Variants in PREX1 observed in about 807,000 individuals in gnomAD.
The protein encoded by PREX1 is phosphatidylinositol 3,4,5-trisphosphate-dependent Rac exchanger 1 protein.
Under a neutral mutation model 198.3 loss-of-function variants are expected in PREX1, and 41 were observed. That is an observed-to-expected ratio of 0.21 (90% confidence interval 0.16 to 0.27). The LOEUF is 0.27. Among genes scored for constraint, PREX1 ranks in the 10% least tolerant of loss-of-function variants. PREX1 has a pLI of 1.00. For synonymous variants in PREX1, 843 were observed against 887.2 expected, an observed-to-expected ratio of 0.95 and a Z score of 0.89; for missense variants, 1,620 against 2,200.7, an observed-to-expected ratio of 0.74 and a Z score of 5.28.
At chr20:48,632,671 CACCGAG>C in intron 33 of PREX1, 32 bp from the exon 34 acceptor site, 1 of 1,611,520 alleles carries the variant, frequency 6.2e-7, no homozygotes, top group Non-Finnish European at 8.5e-7. Context: ...GATGACTCAC[CACCGAG>C]GCCAAGGCCA....
chr20:48,784,465 T>C (rs557151138), intron 1 of PREX1, among the ~76,000 whole-genome samples: 1 of 152,324 alleles, frequency 6.6e-6, no homozygotes, highest in African/African-American at 2.4e-5. Context: ...GAAGGACTCA[T>C]CTAGACTCTA....
At position 48,708,854 on chromosome 20, in the gene PREX1, CGA is replaced by C. The variant is rs887305827; in HGVS notation, c.622-435_622-434del. ...GGCAGTGTGTCTGGGGTGGAATAAACGAGAGAGAGAAAAACAGAGAGATCCGC... is the reference window on the plus strand; with the variant it reads ...GGCAGTGTGTCTGGGGTGGAATAAACGAGAGAGAAAAACAGAGAGATCCGC... On this transcript the variant is annotated intron_variant, in intron 5 of 39. Transcript: ENST00000371941. Among the ~76,000 whole-genome samples the C allele has an allele frequency of 1.1e-4, 16 of 152,042 alleles. No homozygotes were observed. In the East Asian group the frequency reaches 2.9e-3, roughly 27 times the overall value.
rs144970877 is a variant in PREX1, at chr20:48,753,944, T to C, written c.220-6064A>G. On this transcript the variant is annotated intron_variant, in intron 1 of 39. Transcript: ENST00000371941. ...AATTAAGTATGGATAGGTTTGATCA[T>C]TCAGTATCATCTCCCTCACTAAAGT... Among the ~76,000 whole-genome samples the C allele has an allele frequency of 1.7e-3, 259 of 152,340 alleles. 1 individual carries two copies. The highest frequency in any genetic ancestry group is 5.9e-3 in the African/African-American group (247 of 41,582).
chr20:48,799,738 C>CA (rs1222756065), intron 1 of PREX1, among the ~76,000 whole-genome samples: 2 of 152,122 alleles, frequency 1.3e-5, no homozygotes, highest in African/African-American at 4.8e-5. Context: ...TCTGTCCCCC[C>CA]ACAACAGGGC....
the PREX1 span, among the ~76,000 whole-genome samples, chr20:48,836,543 A>G: frequency 6.6e-6 from 1 of 152,226 alleles, no homozygotes; most frequent in African/African-American, 2.4e-5. Flanking sequence ...TCTGGAGTGC[A>G]GTGGCACAAC....
intron 29 of PREX1, among the ~76,000 whole-genome samples, chr20:48,641,909 A>C (rs2089416119): frequency 7.8e-6 from 1 of 128,608 alleles, no homozygotes; most frequent in East Asian, 2.5e-4. Context: ...GAAGGAAGGA[A>C]AAGAAACAGG....
At chr20:48,717,318 G>A (rs1393764475) in intron 5 of PREX1, among the ~76,000 whole-genome samples, 3 of 152,130 alleles carry the variant, frequency 2.0e-5, no homozygotes, top group Admixed American at 6.5e-5. Context: ...CTCCAGGAAG[G>A]GGCTGATCCT....
At chr20:48,641,056 G>T (rs2089406723) in intron 29 of PREX1, among the ~76,000 whole-genome samples, 1 of 152,126 alleles carries the variant, frequency 6.6e-6, no homozygotes, top group Admixed American at 6.5e-5. Flanking sequence ...TAGACAGTGG[G>T]AGGGTAGATG....
intron 15 of PREX1, among the ~76,000 whole-genome samples, chr20:48,664,709 C>T (rs2089622779): frequency 6.6e-6 from 1 of 152,260 alleles, no homozygotes; most frequent in African/African-American, 2.4e-5. Context: ...GCCTCTAAAC[C>T]CGCACGATCT....
chr20:48,658,146 G>A lies in PREX1; in HGVS notation c.1964C>T (p.Ser655Leu), dbSNP rs1172591295. The A allele has an allele frequency of 3.1e-6, 5 of 1,613,472 alleles. No homozygotes were observed. Among genetic ancestry groups the A allele is most frequent in the East Asian group, 2.2e-5 (1 of 44,872 alleles). Residue 655 changes from serine (S) to leucine (L), a missense_variant, in exon 17 of 40, where the codon TCG becomes TTG. Transcript: ENST00000371941. ...CCCCGAGGGCCTCACCTCAGCCAGCGAGCCCCTCTGGACGGACTTCACCAC... is the reference window on the plus strand; with the variant it reads ...CCCCGAGGGCCTCACCTCAGCCAGCAAGCCCCTCTGGACGGACTTCACCAC... ...AVVVKSVQRG[S>L]LAEVAGLQVG...
In PREX1 at chr20:48,772,686, A is replaced by G. The variant is rs191942911; in HGVS notation, c.220-24806T>C. Among the ~76,000 whole-genome samples the G allele has an allele frequency of 3.7e-3, 564 of 152,310 alleles. 2 individuals carry two copies. The highest frequency in any genetic ancestry group is 5.4e-3 in the Admixed American group (82 of 15,300). ...CTGCCCTGAAACTGAGGGCTGAGGA[A>G]GGAGGAAGGGGCAGAGCAGGCTGGG... On this transcript the variant is annotated intron_variant, in intron 1 of 39. Coordinates refer to ENST00000371941, the MANE Select transcript of PREX1 (RefSeq NM_020820.4).
chr20:48,651,815 G>A (rs1162336514), intron 21 of PREX1, among the ~76,000 whole-genome samples: 1 of 152,282 alleles, frequency 6.6e-6, no homozygotes, highest in Non-Finnish European at 1.5e-5. Context: ...CCTGAGGACA[G>A]AGGGAGCCAT....
Position 48,624,685 on chromosome 20 carries a change from C to G in PREX1, c.*1200G>C, listed in dbSNP as rs2089256624. 1 of 152,290 alleles carries G rather than the reference C, an allele frequency of 6.6e-6. No homozygotes were observed. Among genetic ancestry groups the G allele is most frequent in the Non-Finnish European group, 1.5e-5 (1 of 68,074 alleles). The allele number at this position is 152,290 out of a possible 1,614,324, so 9.4% of individuals were successfully genotyped here. A position where few individuals can be genotyped will look rare whatever the true frequency, so the allele number is the denominator to read the frequency against. ...GGGGGCTTGTGTGGGTCCCTCCTCCCCAGCAGGCAGGGTGGCTTCCTGTGC... is the reference window on the plus strand; with the variant it reads ...GGGGGCTTGTGTGGGTCCCTCCTCCGCAGCAGGCAGGGTGGCTTCCTGTGC... On this transcript the variant is annotated 3_prime_UTR_variant, in exon 40 of 40. Coordinates refer to ENST00000371941, the MANE Select transcript of PREX1 (RefSeq NM_020820.4).
At chr20:48,811,628 CCACACA>C (rs373223442) in intron 1 of PREX1, among the ~76,000 whole-genome samples, 2 of 127,862 alleles carry the variant, frequency 1.6e-5, no homozygotes, top group African/African-American at 6.6e-5. Context: ...ACACACCCCC[CCACACA>C]CACACACACG....
chr20:48,658,106 G>T lies in PREX1; in HGVS notation c.1974+30C>A, dbSNP rs199982043. The stretch of plus-strand genomic sequence containing the variant: ...ACACCCCGCTCTGCCACCTGCACAC[G>T]GTCCCTGCCAGCTCCCCCGAGGGCC... On this transcript the variant is annotated intron_variant, in intron 17 of 39. Transcript: ENST00000371941. 625 of 1,598,304 alleles carry T rather than the reference G, an allele frequency of 3.9e-4. 3 individuals are homozygous for T. The African/African-American group carries it at 7.7e-3, about 20-fold the overall frequency.
At chr20:48,641,842 GGAAGGAAGGAAGGA>G (rs528217853) in intron 29 of PREX1, among the ~76,000 whole-genome samples, 171 of 14,764 alleles carry the variant, frequency 0.012, 4 homozygotes, top group African/African-American at 0.03. Flanking sequence ...GAGAGAGAGA[GGAAGGAAGGAAGGA>G]AGGAAGGAAG....
rs972008800 is a variant in PREX1, at chr20:48,827,908, A to T, written c.-48T>A. ...GGCTCCTTCCGTCGCGCCGAGCGGC[A>T]ACTCAGGCGTCCAGGCGCCCCATCC... On this transcript the variant is annotated 5_prime_UTR_variant, in exon 1 of 40. Transcript: ENST00000371941. This position sits in a 1 kb window ranked among gnomAD's most constrained non-coding sequence, Gnocchi z 4.1. 1.2e-6 allele frequency: 1 copy of T among 839,252 alleles called. No homozygotes were observed. The highest frequency in any genetic ancestry group is 1.4e-6 in the Non-Finnish European group (1 of 703,864). The allele number at this position is 839,252 out of a possible 1,614,324, so 52.0% of individuals were successfully genotyped here. A position where few individuals can be genotyped will look rare whatever the true frequency, so the allele number is the denominator to read the frequency against.
intron 2 of PREX1, among the ~76,000 whole-genome samples, chr20:48,747,411 G>A (rs1017309548): frequency 3.9e-5 from 6 of 152,248 alleles, no homozygotes; most frequent in South Asian, 4.1e-4. Flanking sequence ...TGCCCAGGGC[G>A]GGAGCGGGGG....
At chr20:48,794,690 G>A (rs565382728) in intron 1 of PREX1, among the ~76,000 whole-genome samples, 85 of 152,326 alleles carry the variant, frequency 5.6e-4, no homozygotes, top group African/African-American at 2.0e-3. Flanking sequence ...GAGACAAAGA[G>A]AGGGGCTGAG....
Sources: gnomAD v4.1 joint callset for allele counts (sites outside exome capture counted in the v4.1 genomes callset) on GRCh38, gnomAD v4.1.1 for gene constraint, Gnocchi (gnomAD v3.1) non-coding constraint, MANE v1.5 for transcripts, NCBI Gene and HGNC (gene_info 2026-07-23, HGNC 2026-07-21) for gene names.